The following ZNF704 variants were observed in gnomAD, a reference collection of about 807,000 sequenced individuals.
The protein encoded by ZNF704 is glucocorticoid induced gene 1.
A neutral mutation model predicts 44.7 loss-of-function variants in ZNF704; 10 were observed. The ratio of observed to expected loss-of-function variants is 0.22; its 90% CI spans 0.14 to 0.38. ZNF704 has a LOEUF of 0.38. ZNF704 is among the 10% of genes least tolerant of loss of function. The probability of loss-of-function intolerance (pLI) is 1.00; values close to 1 mark genes in which losing one functional copy is unlikely to be tolerated. For missense variants in ZNF704, 390 were observed against 545.5 expected (o/e 0.71, Z 2.84); for synonymous variants, 211 against 207.6 (o/e 1.02, Z -0.14).
At chr8:80,849,692 A>C (rs1315409158) in intron 1 of ZNF704, among the ~76,000 whole-genome samples, 1 of 152,220 alleles carries the variant, frequency 6.6e-6, no homozygotes, top group Non-Finnish European at 1.5e-5. Flanking sequence ...TCCAGTAAGA[A>C]AGAATATCAT....
chr8:80,872,138 C>A lies in ZNF704; in HGVS notation c.-22+2433G>T, dbSNP rs1000272849. 3.9e-5 allele frequency among the ~76,000 whole-genome samples: 6 copies of A among 152,196 alleles called. No individual in the cohort carries two copies. In the East Asian group the frequency reaches 7.7e-4, roughly 20 times the overall value. On this transcript the variant is annotated intron_variant, in intron 1 of 8. Coordinates refer to ENST00000327835, the MANE Select transcript of ZNF704 (RefSeq NM_001033723.3). ...CTAAGGAGTCACTACTCTTGATATT[C>A]AATGTCACTGACACCATGTGACTTC...
At chr8:80,836,174 C>T (rs1009571497) in intron 1 of ZNF704, among the ~76,000 whole-genome samples, 120 of 152,316 alleles carry the variant, frequency 7.9e-4, no homozygotes, top group African/African-American at 2.8e-3. Context: ...CCTCCAAAGT[C>T]GCATAGGATC....
At chr8:80,811,278 TA>T in intron 2 of ZNF704, among the ~76,000 whole-genome samples, 1 of 152,342 alleles carries the variant, frequency 6.6e-6, no homozygotes, top group Middle Eastern at 3.4e-3. Flanking sequence ...CAAATAATGA[TA>T]TTTAAGATAC....
At chr8:80,882,813 A>G in the ZNF704 span, among the ~76,000 whole-genome samples, 2 of 152,124 alleles carry the variant, frequency 1.3e-5, no homozygotes, top group African/African-American at 2.4e-5. Flanking sequence ...GTGATGTGCT[A>G]TTGCTGGGAA....
intron 2 of ZNF704, among the ~76,000 whole-genome samples, chr8:80,705,666 T>C (rs948551887): frequency 1.3e-4 from 20 of 152,024 alleles, no homozygotes; most frequent in African/African-American, 4.8e-4. Flanking sequence ...TTGGGTGTGC[T>C]CTGTGCATGG....
intron 7 of ZNF704, 69 bp from the exon 8 acceptor site, chr8:80,643,198 T>C: frequency 8.6e-7 from 1 of 1,166,322 alleles, no homozygotes. Context: ...TAACCTTTGC[T>C]GTGTGGACAC....
intron 7 of ZNF704, among the ~76,000 whole-genome samples, chr8:80,647,927 T>A (rs2131593711): frequency 6.6e-6 from 1 of 152,298 alleles, no homozygotes; most frequent in African/African-American, 2.4e-5. Context: ...TGAGACTGGA[T>A]GATTTATAAT....
intron 1 of ZNF704, among the ~76,000 whole-genome samples, chr8:80,827,144 T>C (rs1014862053): frequency 3.3e-5 from 5 of 152,206 alleles, no homozygotes; most frequent in Admixed American, 1.3e-4. Flanking sequence ...TGTCCCTGTT[T>C]GCAGATGACA....
intron 2 of ZNF704, among the ~76,000 whole-genome samples, chr8:80,794,753 G>A (rs1341481900): frequency 2.0e-5 from 3 of 152,198 alleles, no homozygotes; most frequent in Non-Finnish European, 4.4e-5. Flanking sequence ...AAGTGGATGT[G>A]AAATTAGCCA....
At chr8:80,842,118 A>C (rs1427571549) in intron 1 of ZNF704, among the ~76,000 whole-genome samples, 1 of 152,174 alleles carries the variant, frequency 6.6e-6, no homozygotes, top group Non-Finnish European at 1.5e-5. Flanking sequence ...CATATCACTA[A>C]CCCAGTATTC....
intron 5 of ZNF704, among the ~76,000 whole-genome samples, chr8:80,665,990 T>C (rs1818186151): frequency 6.6e-6 from 1 of 151,930 alleles, no homozygotes; most frequent in Non-Finnish European, 1.5e-5. Context: ...ATACTTTAAG[T>C]TTTAGGGTAC....
At chr8:80,818,151 C>CT (rs1313450674) in intron 2 of ZNF704, among the ~76,000 whole-genome samples, 2 of 152,038 alleles carry the variant, frequency 1.3e-5, no homozygotes, top group African/African-American at 2.4e-5. Flanking sequence ...AGAAAATAAA[C>CT]TTTGAGTTTC....
rs936012138 is a variant in ZNF704 at position 80,637,462 on chromosome 8, G to A, written c.*3904C>T. 9.2e-5 allele frequency: 14 copies of A among 152,200 alleles called. No individual in the cohort carries two copies. The highest frequency in any genetic ancestry group is 2.9e-4 in the African/African-American group (12 of 41,448). 9.4% of individuals were successfully genotyped at this position (152,200 alleles called of 1,614,324 possible). A position where few individuals can be genotyped will look rare whatever the true frequency, so the allele number is the denominator to read the frequency against. On this transcript the variant is annotated 3_prime_UTR_variant, in exon 9 of 9. Coordinates refer to ENST00000327835, the MANE Select transcript of ZNF704 (RefSeq NM_001033723.3). ...ATGAAGGGGGAACATGGATTCAGCA[G>A]TGCCAACTAATTCAGAACCCAGGGC...
chr8:80,714,252 A>G (rs1254016622), intron 2 of ZNF704, among the ~76,000 whole-genome samples: 2 of 152,204 alleles, frequency 1.3e-5, no homozygotes, highest in Non-Finnish European at 2.9e-5. Context: ...AATACTGATG[A>G]AAAGCAGCTG....
intron 1 of ZNF704, among the ~76,000 whole-genome samples, chr8:80,871,799 A>G (rs1047574609): frequency 7.9e-5 from 12 of 152,368 alleles, no homozygotes; most frequent in African/African-American, 2.9e-4. Flanking sequence ...AGTGTCTTTA[A>G]AAGAGTAATT....
intron 7 of ZNF704, among the ~76,000 whole-genome samples, chr8:80,657,168 C>T (rs1164354656): frequency 2.6e-5 from 4 of 152,086 alleles, no homozygotes; most frequent in African/African-American, 9.7e-5. Flanking sequence ...ACAGCAGCAC[C>T]TGCTTGTTTT....
chr8:80,876,719 C>T (rs978513837), upstream of ZNF704, among the ~76,000 whole-genome samples: 2 of 152,168 alleles, frequency 1.3e-5, no homozygotes, highest in African/African-American at 4.8e-5. Context: ...ATGCAATCAG[C>T]TTACAAGAGT....
intron 1 of ZNF704, among the ~76,000 whole-genome samples, chr8:80,843,405 A>G (rs1470805740): frequency 1.3e-5 from 2 of 152,248 alleles, no homozygotes; most frequent in Non-Finnish European, 2.9e-5. Flanking sequence ...CAAAGGTCAC[A>G]CATTCTGTTT....
At chr8:80,803,014 T>C (rs1230293646) in intron 2 of ZNF704, among the ~76,000 whole-genome samples, 1 of 151,870 alleles carries the variant, frequency 6.6e-6, no homozygotes, top group East Asian at 1.9e-4. Flanking sequence ...AAAATCAACG[T>C]GCAAAAATCA....
Sources: allele counts gnomAD v4.1 joint callset (sites outside exome capture counted in the v4.1 genomes callset), GRCh38; gene constraint gnomAD v4.1.1; transcripts MANE v1.5; gene names NCBI Gene and HGNC (gene_info 2026-07-23, HGNC 2026-07-21).